SLCO2B1: variants seen among roughly 807,000 people sequenced by gnomAD.
SLCO2B1 encodes the protein OATP-RP2.
Under a neutral mutation model 67.3 loss-of-function variants are expected in SLCO2B1, and 41 were observed. The ratio of observed to expected loss-of-function variants is 0.61; its 90% CI spans 0.47 to 0.79. SLCO2B1 has a LOEUF of 0.79. Among genes scored for constraint, SLCO2B1 ranks in the 30% least tolerant of loss-of-function variants. The pLI is 0.00. For missense variants in SLCO2B1, 837 were observed against 920.1 expected (o/e 0.91, Z 1.17); for synonymous variants, 379 against 381.4 (o/e 0.99, Z 0.07).
chr11:75,200,490 G>A, intron 11 of SLCO2B1, 103 bp downstream of exon 11: 12 of 1,204,828 alleles, frequency 1.0e-5, no homozygotes, highest in Non-Finnish European at 1.4e-5. Flanking sequence ...GAGGCCACTT[G>A]GGTGTCCTGG....
At chr11:75,197,714 T>G (rs1320232096) in intron 10 of SLCO2B1, among the ~76,000 whole-genome samples, 2 of 152,142 alleles carry the variant, frequency 1.3e-5, no homozygotes, top group African/African-American at 4.8e-5. Context: ...GAGCATTCAG[T>G]CAGTCAGTCA....
chr11:75,166,161 C>T (rs1358086972), intron 4 of SLCO2B1, among the ~76,000 whole-genome samples: 4 of 152,120 alleles, frequency 2.6e-5, no homozygotes, highest in East Asian at 1.9e-4. Flanking sequence ...GTAGGCCCTG[C>T]GCATAGGGGT....
chr11:75,196,927 C>T (rs1405237406), intron 10 of SLCO2B1, among the ~76,000 whole-genome samples: 2 of 152,168 alleles, frequency 1.3e-5, no homozygotes, highest in African/African-American at 2.4e-5. Flanking sequence ...GTCAGGAGTT[C>T]CAGACTGGTG....
rs909645940 is a variant in SLCO2B1 at position 75,172,291 on chromosome 11, C to T, written c.782-88C>T. On this transcript the variant is annotated intron_variant, in intron 6 of 13. Coordinates refer to ENST00000289575, the MANE Select transcript of SLCO2B1 (RefSeq NM_007256.5). Reference sequence around the variant, plus strand: ...TCCTGACTCCCAGCCTGGGCCACCTCATGTCTCAGAGGCCAGTCCCAGGAT... The same window carrying T: ...TCCTGACTCCCAGCCTGGGCCACCTTATGTCTCAGAGGCCAGTCCCAGGAT... 1.3e-4 allele frequency: 157 copies of T among 1,253,054 alleles called. 1 individual carries two copies. Among genetic ancestry groups the T allele is most frequent in the Non-Finnish European group, 1.6e-4 (142 of 898,326 alleles). 77.6% of individuals were successfully genotyped at this position (1,253,054 alleles called of 1,614,324 possible).
chr11:75,188,450 G>A (rs1944969730), intron 8 of SLCO2B1, among the ~76,000 whole-genome samples: 1 of 152,204 alleles, frequency 6.6e-6, no homozygotes, highest in African/African-American at 2.4e-5. Flanking sequence ...TATGGGCCAG[G>A]CATTGCGGCT....
intron 1 of SLCO2B1, among the ~76,000 whole-genome samples, chr11:75,152,732 G>T (rs57573811): frequency 0.017 from 2,602 of 152,166 alleles, 73 homozygotes; most frequent in African/African-American, 0.057. Context: ...TTCTCCAGGT[G>T]CCCACTGACC....
At chr11:75,153,301 C>T (rs1591804282) in intron 1 of SLCO2B1, among the ~76,000 whole-genome samples, 1 of 152,240 alleles carries the variant, frequency 6.6e-6, no homozygotes, top group Non-Finnish European at 1.5e-5. Context: ...CTCTTCCTCT[C>T]TCCAGCCCAA....
chr11:75,163,087 C>T (rs577193733), intron 2 of SLCO2B1, among the ~76,000 whole-genome samples: 1 of 152,084 alleles, frequency 6.6e-6, no homozygotes, highest in Non-Finnish European at 1.5e-5. Flanking sequence ...CTGGGGATCC[C>T]GAACCTATGT....
At chr11:75,168,863 CA>C (rs1337413418) in intron 4 of SLCO2B1, among the ~76,000 whole-genome samples, 1 of 152,240 alleles carries the variant, frequency 6.6e-6, no homozygotes, top group Non-Finnish European at 1.5e-5. Context: ...CCGCCCCACC[CA>C]GGGGCCACCG....
Position 75,200,406 on chromosome 11 carries a change from C to G in SLCO2B1, c.1763+19C>G. The G allele has an allele frequency of 7.0e-6, 11 of 1,572,100 alleles. No individual in the cohort carries two copies. The highest frequency in any genetic ancestry group is 9.5e-6 in the Non-Finnish European group (11 of 1,154,688). On this transcript the variant is annotated intron_variant, in intron 11 of 13. Transcript: ENST00000289575. ...TCCTAAGGTGAAGGTGGGGGTGGGG[C>G]AGGGGCAGGTGGATACCAGGAGGTC...
At position 75,193,408 on chromosome 11, in the gene SLCO2B1, C is replaced by T. The variant is rs754940762; in HGVS notation, c.1266C>T (p.Ile422=). 13 of 1,614,004 alleles carry T rather than the reference C, an allele frequency of 8.1e-6. No homozygotes were observed. In the South Asian group the frequency reaches 9.9e-5, roughly 12 times the overall value. ...GCTGCCTCTCCTTCCCTTCGGTCAT[C>T]GTGGGCATCGTGGTGGGTGGCGTCC... ...LIGCLSFPSV[I]VGIVVGGVLV... The change falls in exon 9 of 14, where the codon ATC becomes ATT. Residue 422 remains isoleucine, a synonymous_variant. Transcript: ENST00000289575. This position sits in a 1 kb window ranked among gnomAD's most constrained non-coding sequence, Gnocchi z 4.2.
intron 1 of SLCO2B1, 52 bp from the exon 2 acceptor site, chr11:75,162,603 G>A (rs1403911027): frequency 3.4e-5 from 54 of 1,582,432 alleles, no homozygotes; most frequent in Non-Finnish European, 4.5e-5. Context: ...TCAGGTCAGG[G>A]CCATTCTCGG....
At chr11:75,169,870 G>A in intron 6 of SLCO2B1, 106 bp downstream of exon 6, 1 of 861,866 alleles carries the variant, frequency 1.2e-6, no homozygotes, top group Middle Eastern at 2.2e-4. Context: ...CAGCACCACT[G>A]ACCTTGGGCA....
At chr11:75,194,719 A>G (rs1945076556) in intron 9 of SLCO2B1, among the ~76,000 whole-genome samples, 1 of 152,200 alleles carries the variant, frequency 6.6e-6, no homozygotes, top group African/African-American at 2.4e-5. Context: ...CAGGTCCTCA[A>G]TCAAATGATT....
Position 75,162,637 on chromosome 11 carries a change from T to C in SLCO2B1, c.17-18T>C, listed in dbSNP as rs772196504. The C allele has an allele frequency of 6.2e-7, 1 of 1,609,212 alleles. No homozygotes were observed. Reference sequence around the variant, plus strand: ...GGGGATTCTATCTATTCTCTTTCCCTGGTTTTCTGTCCCTCAGGGCCAGCG... The same window carrying C: ...GGGGATTCTATCTATTCTCTTTCCCCGGTTTTCTGTCCCTCAGGGCCAGCG... On this transcript the variant is annotated intron_variant, in intron 1 of 13. Transcript: ENST00000289575.
intron 1 of SLCO2B1, among the ~76,000 whole-genome samples, chr11:75,152,928 G>A (rs188446379): frequency 6.6e-6 from 1 of 152,308 alleles, no homozygotes; most frequent in East Asian, 1.9e-4. Context: ...CCCCAAGGGA[G>A]AGGGGAAGCT....
chr11:75,168,605 A>G (rs1209449765), intron 4 of SLCO2B1, among the ~76,000 whole-genome samples: 1 of 152,196 alleles, frequency 6.6e-6, no homozygotes, highest in Non-Finnish European at 1.5e-5. Flanking sequence ...CAAGGGCCCC[A>G]GGGCCCTCCA....
rs1238348290 is a variant in SLCO2B1, at chr11:75,196,692, T to C, written c.1599+13T>C. 6.2e-7 allele frequency: 1 copy of C among 1,610,124 alleles called. No homozygotes were observed. Among genetic ancestry groups the C allele is most frequent in the South Asian group, 1.1e-5 (1 of 90,398 alleles). ...GGACAACAGCCAGGTGAGTCAGGCC[T>C]CTCGTGGCAACCTCTGCCCCTCAGG... On this transcript the variant is annotated intron_variant, in intron 10 of 13. Coordinates refer to ENST00000289575, the MANE Select transcript of SLCO2B1 (RefSeq NM_007256.5).
intron 7 of SLCO2B1, among the ~76,000 whole-genome samples, chr11:75,175,252 T>A (rs2140319119): frequency 6.6e-6 from 1 of 152,222 alleles, no homozygotes; most frequent in Admixed American, 6.5e-5. Context: ...TTCCTCCACC[T>A]CCCTGAGGCT....
Sources: allele counts gnomAD v4.1 joint callset (sites outside exome capture counted in the v4.1 genomes callset), GRCh38; gene constraint gnomAD v4.1.1; non-coding constraint Gnocchi (gnomAD v3.1); transcripts MANE v1.5; gene names NCBI Gene and HGNC (gene_info 2026-07-23, HGNC 2026-07-21).